Variants in USP24 observed in about 807,000 individuals in gnomAD.
USP24 encodes ubiquitin specific peptidase 24.
Under a neutral mutation model 361.6 loss-of-function variants are expected in USP24, and 97 were observed. The ratio of observed to expected loss-of-function variants is 0.27; its 90% confidence interval spans 0.23 to 0.32. USP24 has a LOEUF of 0.32. USP24 is among the 10% of genes least tolerant of loss of function. USP24 has a pLI of 1.00. For synonymous variants in USP24, 1,098 were observed against 1,124.6 expected, an observed-to-expected ratio of 0.98 and a Z score of 0.47; for missense variants, 2,353 against 3,165.6, an observed-to-expected ratio of 0.74 and a Z score of 6.16.
At chr1:55,129,406 G>A (rs1646528550) in intron 32 of USP24, 71 bp downstream of exon 32, 7 of 1,288,274 alleles carry the variant, frequency 5.4e-6, no homozygotes, top group African/African-American at 1.5e-5. Context: ...GCAAGACTTT[G>A]CAGGGGAAAT....
chr1:55,160,981 A>C (rs1216780815), intron 8 of USP24, among the ~76,000 whole-genome samples: 2 of 152,194 alleles, frequency 1.3e-5, no homozygotes, highest in Non-Finnish European at 2.9e-5. Flanking sequence ...TAAAGGTTTT[A>C]ATATACAGAA....
At position 55,068,799 on chromosome 1, in the gene USP24, T is replaced by C. The variant is rs1644862948; in HGVS notation, c.*246A>G. ...CCGAAAATCTCCACAGAAATGTGAA[T>C]CCACATATAGACCACGCTCCCGGGA... On this transcript the variant is annotated 3_prime_UTR_variant, in exon 68 of 68. Transcript: ENST00000294383. The C allele has an allele frequency of 2.1e-6, 1 of 479,528 alleles. No homozygotes were observed. Among genetic ancestry groups the C allele is most frequent in the African/African-American group, 2.0e-5 (1 of 50,816 alleles). The allele number at this position is 479,528 out of a possible 1,614,324, so 29.7% of individuals were successfully genotyped here. A position where few individuals can be genotyped will look rare whatever the true frequency, so the allele number is the denominator to read the frequency against.
chr1:55,092,957 A>G, intron 52 of USP24, 41 bp from the exon 53 acceptor site: 1 of 1,298,372 alleles, frequency 7.7e-7, no homozygotes, highest in Non-Finnish European at 1.0e-6. Context: ...GAAATGGAAA[A>G]ATATTCAATA....
rs1291720188 is a variant in USP24 at position 55,123,378 on chromosome 1, T to C, written c.4276+69A>G. The C allele has an allele frequency of 8.4e-6, 12 of 1,421,882 alleles. No individual in the cohort carries two copies. In the East Asian group the frequency reaches 2.6e-4, roughly 31 times the overall value. 88.1% of individuals were successfully genotyped at this position (1,421,882 alleles called of 1,614,324 possible). A position where few individuals can be genotyped will look rare whatever the true frequency, so the allele number is the denominator to read the frequency against. On this transcript the variant is annotated intron_variant, in intron 36 of 67. Transcript: ENST00000294383. The stretch of plus-strand genomic sequence containing the variant: ...ATGGGACCTTATCTAGGAAGAAATG[T>C]AAAGAATTCCCAACAGAAACTTGGC...
intron 3 of USP24, among the ~76,000 whole-genome samples, chr1:55,175,249 C>T (rs1473326614): frequency 4.2e-5 from 4 of 95,628 alleles, no homozygotes; most frequent in Non-Finnish European, 5.7e-5. Context: ...TTTTTTGAGA[C>T]GGAGCCTCGC....
chr1:55,158,701 C>A (rs1171391686), intron 10 of USP24, among the ~76,000 whole-genome samples, 177 bp downstream of exon 10: 1 of 152,122 alleles, frequency 6.6e-6, no homozygotes, highest in African/African-American at 2.4e-5. Context: ...TTGAAAGTAA[C>A]ACAGAAGATG....
intron 1 of USP24, among the ~76,000 whole-genome samples, chr1:55,182,110 G>A (rs1643987045): frequency 6.6e-6 from 1 of 152,144 alleles, no homozygotes; most frequent in East Asian, 1.9e-4. Context: ...GGAGTGTAGT[G>A]GCACAATCTC....
intron 18 of USP24, 49 bp downstream of exon 18, chr1:55,147,600 G>T: frequency 6.6e-7 from 1 of 1,516,812 alleles, no homozygotes; most frequent in East Asian, 2.4e-5. Context: ...AGTATAAAAA[G>T]GTCAAATTAA....
intron 53 of USP24, 43 bp downstream of exon 53, chr1:55,092,778 T>C: frequency 7.3e-7 from 1 of 1,367,372 alleles, no homozygotes; most frequent in Non-Finnish European, 1.0e-6. Flanking sequence ...GCATATTTAA[T>C]TGTAACCCTT....
intron 39 of USP24, among the ~76,000 whole-genome samples, chr1:55,108,568 G>A (rs969319790): frequency 3.9e-5 from 6 of 152,230 alleles, no homozygotes; most frequent in Middle Eastern, 3.2e-3. Flanking sequence ...CTGGCTTACG[G>A]AATACACTCC....
rs1394285405 is a variant in USP24 at position 55,102,717 on chromosome 1, C to T, written c.5026-1014G>A. Reference sequence around the variant, plus strand: ...AAAAAAAAACTGGTTTGTAACAGTGCTAAAAATATAAATATTTATCTAACA... The same window carrying T: ...AAAAAAAAACTGGTTTGTAACAGTGTTAAAAATATAAATATTTATCTAACA... On this transcript the variant is annotated intron_variant, in intron 42 of 67. Coordinates refer to ENST00000294383, the MANE Select transcript of USP24 (RefSeq NM_015306.3). Among the ~76,000 whole-genome samples, 4 of 152,042 alleles carry T rather than the reference C, an allele frequency of 2.6e-5. No homozygotes were observed. The East Asian group carries it at 5.8e-4, about 22-fold the overall frequency.
At chr1:55,086,121 G>C in intron 55 of USP24, 83 bp from the exon 56 acceptor site, 1 of 1,331,874 alleles carries the variant, frequency 7.5e-7, no homozygotes, top group Non-Finnish European at 1.1e-6. Context: ...CCATCTAATA[G>C]CCAAGAAACA....
Position 55,099,752 on chromosome 1 carries a change from A to T in USP24, c.5370+19T>A, listed in dbSNP as rs764814265. ...ATTAGAGTTTGAGGGAGTTAGAGGG[A>T]AAGTACAACTTTTACTACCTTGAGG... On this transcript the variant is annotated intron_variant, in intron 45 of 67. Transcript: ENST00000294383. 3 of 1,523,322 alleles carry T rather than the reference A, an allele frequency of 2.0e-6. No individual in the cohort carries two copies. The highest frequency in any genetic ancestry group is 4.9e-5 in the East Asian group (2 of 40,888). The allele number at this position is 1,523,322 out of a possible 1,614,324, so 94.4% of individuals were successfully genotyped here.
Position 55,171,642 on chromosome 1 carries a change from T to G in USP24, c.739A>C (p.Arg247=). ...CAATTCCTTTGAGACACTTTCATTC[T>G]GTTTTTAAAATGGTATTCATTATCA... is the stretch of plus-strand genomic sequence containing the variant. ...NPDNEYHFKN[R]MKVSQRNWAE... The change falls in exon 5 of 68, where the codon AGA becomes CGA. Residue 247 remains arginine, a synonymous_variant. Transcript: ENST00000294383. 6.2e-7 allele frequency: 1 copy of G among 1,606,946 alleles called. No individual in the cohort carries two copies. Among genetic ancestry groups the G allele is most frequent in the Non-Finnish European group, 8.5e-7 (1 of 1,176,080 alleles).
At position 55,070,250 on chromosome 1, in the gene USP24, AC is replaced by A. The variant is rs538976439; in HGVS notation, c.7801-1144del. Reference sequence around the variant, plus strand: ...GTATGCCAAGTGGAGAACGTCAAGAACAAGAGAGCTGGATGTTCATGTTCAG... The same window carrying A: ...GTATGCCAAGTGGAGAACGTCAAGAAAAGAGAGCTGGATGTTCATGTTCAG... On this transcript the variant is annotated intron_variant, in intron 67 of 67. Coordinates refer to ENST00000294383, the MANE Select transcript of USP24 (RefSeq NM_015306.3). Among the ~76,000 whole-genome samples, 579 of 152,268 alleles carry A rather than the reference AC, an allele frequency of 3.8e-3. 5 individuals are homozygous for A. The highest frequency in any genetic ancestry group is 0.013 in the African/African-American group (542 of 41,554).
intron 7 of USP24, among the ~76,000 whole-genome samples, chr1:55,163,945 T>C (rs896908245): frequency 2.0e-5 from 3 of 151,988 alleles, no homozygotes; most frequent in South Asian, 2.1e-4. Context: ...AAGGAATGAC[T>C]GTAATCTTCA....
Position 55,066,384 on chromosome 1 carries a change from A to ACTC in USP24, c.*2658_*2660dup, listed in dbSNP as rs1193062815. ...TCTGTTTTTGAAAAATTTATTTTAT[A>ACTC]CTCTTAGAAGCTAAGAACTTTGCCA... On this transcript the variant is annotated 3_prime_UTR_variant, in exon 68 of 68. Transcript: ENST00000294383. 2 of 152,104 alleles carry ACTC rather than the reference A, an allele frequency of 1.3e-5. No homozygotes were observed. The highest frequency in any genetic ancestry group is 2.9e-5 in the Non-Finnish European group (2 of 68,018). 9.4% of individuals were successfully genotyped at this position (152,104 alleles called of 1,614,324 possible).
intron 42 of USP24, among the ~76,000 whole-genome samples, chr1:55,102,614 G>C (rs988217696): frequency 2.6e-5 from 4 of 151,690 alleles, no homozygotes; most frequent in Non-Finnish European, 4.4e-5. Context: ...ATTAACATCA[G>C]ACATATACTT....
chr1:55,069,083 C>T lies in USP24; in HGVS notation c.7825G>A (p.Gly2609Ser). 3.1e-6 allele frequency: 5 copies of T among 1,613,944 alleles called. No homozygotes were observed. The highest frequency in any genetic ancestry group is 4.2e-6 in the Non-Finnish European group (5 of 1,179,894). The change falls in exon 68 of 68, where the codon GGT (glycine) becomes AGT (serine). Residue 2609 changes from glycine (G) to serine (S), a missense_variant. Around this residue, in one of 8 missense-constraint regions of USP24, gnomAD observed 53 missense variants for 57.7 expected, o/e 0.92. Coordinates refer to ENST00000294383, the MANE Select transcript of USP24 (RefSeq NM_015306.3). ...QQGSESPMMI[G>S]ELRSDLDDVD... ...TCATCAAGGTCACTTCTCAACTCAC[C>T]AATCATCATGGGAGATTCTGAACCC... is the stretch of plus-strand genomic sequence containing the variant.
Sources: gnomAD v4.1 joint callset for allele counts (sites outside exome capture counted in the v4.1 genomes callset) on GRCh38, gnomAD v4.1.1 for gene constraint, gnomAD v4.1.1 regional missense constraint, MANE v1.5 for transcripts, NCBI Gene and HGNC (gene_info 2026-07-23, HGNC 2026-07-21) for gene names.